The following ABL1 variants were observed in gnomAD, a reference collection of about 807,000 sequenced individuals.
The protein encoded by ABL1 is ABL proto-oncogene 1, non-receptor tyrosine kinase.
In ABL1, 11 loss-of-function variants were observed where a neutral mutation model predicts 94.7. That is an observed-to-expected ratio of 0.12 (90% CI 0.07 to 0.19). ABL1 has a LOEUF of 0.19. ABL1 is among the 10% of genes least tolerant of loss of function. ABL1 has a pLI of 1.00. For missense variants in ABL1, 1,082 were observed against 1,489.4 expected (o/e 0.73, Z 4.50); for synonymous variants, 656 against 622.4 (o/e 1.05, Z -0.80).
At chr9:130,718,278 A>T (rs558558626) in intron 1 of ABL1, among the ~76,000 whole-genome samples, 18 of 144,688 alleles carry the variant, frequency 1.2e-4, no homozygotes, top group Non-Finnish European at 2.2e-4. Flanking sequence ...AGATCGCACC[A>T]CTGCACTTCA....
At chr9:130,796,777 CA>C (rs753488139) in intron 1 of ABL1, among the ~76,000 whole-genome samples, 2 of 146,518 alleles carry the variant, frequency 1.4e-5, no homozygotes, top group Non-Finnish European at 3.0e-5. Flanking sequence ...AAAAAAAAAA[CA>C]AAAAAACTTT....
At chr9:130,780,795 G>C (rs1350786845) in intron 1 of ABL1, among the ~76,000 whole-genome samples, 1 of 152,228 alleles carries the variant, frequency 6.6e-6, no homozygotes, top group Non-Finnish European at 1.5e-5. Flanking sequence ...AGGATTCTGA[G>C]TGGGCAGTGA....
chr9:130,842,320 C>T (rs1235147591), intron 1 of ABL1, among the ~76,000 whole-genome samples: 1 of 152,210 alleles, frequency 6.6e-6, no homozygotes. Context: ...GAAGTGCTGG[C>T]ACTTGATACG....
intron 1 of ABL1, among the ~76,000 whole-genome samples, chr9:130,775,811 A>C (rs570332935): frequency 6.6e-6 from 1 of 152,288 alleles, no homozygotes; most frequent in African/African-American, 2.4e-5. Context: ...ATAAGATCTT[A>C]AAAGCAATCA....
intron 1 of ABL1, among the ~76,000 whole-genome samples, chr9:130,843,611 G>A (rs1424791656): frequency 6.6e-6 from 1 of 152,044 alleles, no homozygotes; most frequent in Non-Finnish European, 1.5e-5. Flanking sequence ...ACAGACACCA[G>A]GTACCCAAAT....
chr9:130,887,424 C>G lies in ABL1; in HGVS notation c.*1741C>G, dbSNP rs528442978. On this transcript the variant is annotated 3_prime_UTR_variant, in exon 11 of 11. Transcript: ENST00000318560. Reference sequence around the variant, plus strand: ...TGCCTGTCTCCATGAGGTACTGGTCCCTTCCTTTTGTTAACGTGATGTGCC... The same window carrying G: ...TGCCTGTCTCCATGAGGTACTGGTCGCTTCCTTTTGTTAACGTGATGTGCC... 1 of 233,424 alleles carries G rather than the reference C, an allele frequency of 4.3e-6. No individual in the cohort carries two copies. The highest frequency in any genetic ancestry group is 1.8e-4 in the South Asian group (1 of 5,516). 14.5% of individuals were successfully genotyped at this position (233,424 alleles called of 1,614,324 possible).
chr9:130,781,222 G>GT (rs1829751190), intron 1 of ABL1, among the ~76,000 whole-genome samples: 1 of 152,264 alleles, frequency 6.6e-6, no homozygotes, highest in Admixed American at 6.5e-5. Context: ...CTTGAGTGGC[G>GT]TACCTTAAAC....
At chr9:130,871,629 G>T (rs1195920156) in intron 4 of ABL1, among the ~76,000 whole-genome samples, 2 of 152,320 alleles carry the variant, frequency 1.3e-5, no homozygotes, top group Middle Eastern at 3.4e-3. Context: ...TTGAGACATC[G>T]TTCTTCTTTG....
At chr9:130,883,842 A>G (rs1831509404) in intron 10 of ABL1, 127 bp from the exon 11 acceptor site, 2 of 1,184,164 alleles carry the variant, frequency 1.7e-6, no homozygotes, top group Admixed American at 2.4e-5. Flanking sequence ...TTGTTTTGAG[A>G]TGGAGTCTCA....
chr9:130,836,749 C>T (rs569672193), intron 1 of ABL1, among the ~76,000 whole-genome samples: 18 of 149,336 alleles, frequency 1.2e-4, no homozygotes, highest in African/African-American at 4.5e-4. Flanking sequence ...TGCTTGAACC[C>T]GGCAGGGGGA....
chr9:130,771,039 A>G (rs889092906), intron 1 of ABL1, among the ~76,000 whole-genome samples: 5 of 152,204 alleles, frequency 3.3e-5, no homozygotes, highest in Admixed American at 6.5e-5. Flanking sequence ...TTTATTTTAC[A>G]TTGTATTGGG....
chr9:130,817,236 A>C (rs964621840), intron 1 of ABL1, among the ~76,000 whole-genome samples: 1 of 152,228 alleles, frequency 6.6e-6, no homozygotes, highest in African/African-American at 2.4e-5. Context: ...TTAGAAGAAA[A>C]ATTTATTCAA....
At chr9:130,744,743 GCT>G (rs1407120589) in intron 1 of ABL1, among the ~76,000 whole-genome samples, 41 of 150,426 alleles carry the variant, frequency 2.7e-4, no homozygotes, top group Admixed American at 2.0e-3. Flanking sequence ...TGTAGTTCCA[GCT>G]ACTGGGGAGG....
chr9:130,863,475 A>G lies in ABL1; in HGVS notation c.822+440A>G, dbSNP rs1387451607. 6.6e-6 allele frequency among the ~76,000 whole-genome samples: 1 copy of G among 152,214 alleles called. No individual in the cohort carries two copies. Among genetic ancestry groups the G allele is most frequent in the Non-Finnish European group, 1.5e-5 (1 of 68,038 alleles). The stretch of plus-strand genomic sequence containing the variant: ...GTGGATTTTTGTTGGCTGATTTGGA[A>G]GGCAGGTGCCCTGGGCATCCCCAGT... On this transcript the variant is annotated intron_variant, in intron 4 of 10. Transcript: ENST00000318560. The surrounding 1 kb of genome is among the most constrained non-coding windows in gnomAD (Gnocchi z 4.3).
chr9:130,730,258 T>C (rs529514484), intron 1 of ABL1, among the ~76,000 whole-genome samples: 1 of 151,798 alleles, frequency 6.6e-6, no homozygotes, highest in East Asian at 1.9e-4. Context: ...ATCAGGCTGG[T>C]CTCGAACGCC....
intron 1 of ABL1, among the ~76,000 whole-genome samples, chr9:130,839,803 A>T (rs1033421823): frequency 6.6e-6 from 1 of 152,156 alleles, no homozygotes; most frequent in Admixed American, 6.5e-5. Flanking sequence ...TTGATACGAG[A>T]TTCCTCTGAG....
At chr9:130,813,915 C>G (rs2132862002) in intron 1 of ABL1, among the ~76,000 whole-genome samples, 1 of 152,188 alleles carries the variant, frequency 6.6e-6, no homozygotes, top group Non-Finnish European at 1.5e-5. Context: ...AACAAAGGTC[C>G]CAAATCAATG....
chr9:130,790,524 G>A (rs1187939292), intron 1 of ABL1, among the ~76,000 whole-genome samples: 5 of 151,536 alleles, frequency 3.3e-5, no homozygotes, highest in African/African-American at 1.2e-4. Context: ...CATTCTGTTG[G>A]CCAGGCTGGA....
At chr9:130,877,750 C>T (rs1340278334) in intron 7 of ABL1, among the ~76,000 whole-genome samples, 2 of 146,824 alleles carry the variant, frequency 1.4e-5, no homozygotes, top group Admixed American at 6.7e-5. Context: ...AAGCAATTCT[C>T]CTGCCTCAGC....
Sources: allele counts gnomAD v4.1 joint callset (sites outside exome capture counted in the v4.1 genomes callset), GRCh38; gene constraint gnomAD v4.1.1; non-coding constraint Gnocchi (gnomAD v3.1); transcripts MANE v1.5; gene names NCBI Gene and HGNC (gene_info 2026-07-23, HGNC 2026-07-21).